MAGI2: variants seen among roughly 807,000 people sequenced by gnomAD.
MAGI2 encodes the protein membrane-associated guanylate kinase, WW and PDZ domain-containing protein 2.
A neutral mutation model predicts 133.3 loss-of-function variants in MAGI2; 35 were observed. The observed-to-expected ratio is 0.26, with a 90% confidence interval of 0.20 to 0.35. The LOEUF is 0.35. MAGI2 is among the 10% of genes least tolerant of loss of function. The probability of loss-of-function intolerance (pLI) is 1.00; values close to 1 mark genes in which losing one functional copy is unlikely to be tolerated. For synonymous variants in MAGI2, 729 were observed against 710.6 expected, an observed-to-expected ratio of 1.03 and a Z score of -0.41; for missense variants, 1,636 against 1,863.4, an observed-to-expected ratio of 0.88 and a Z score of 2.25.
intron 2 of MAGI2, among the ~76,000 whole-genome samples, chr7:78,861,937 G>A (rs995936083): frequency 6.6e-6 from 1 of 152,196 alleles, no homozygotes; most frequent in South Asian, 2.1e-4. Flanking sequence ...CAGAAGTGTG[G>A]AGCTGTTCTT....
chr7:79,213,880 C>T (rs1212278719), intron 1 of MAGI2, among the ~76,000 whole-genome samples: 1 of 151,988 alleles, frequency 6.6e-6, no homozygotes, highest in African/African-American at 2.4e-5. Flanking sequence ...AGTAGTATTT[C>T]TCCACAGTTT....
At chr7:79,317,013 C>CT (rs1563108930) in intron 1 of MAGI2, among the ~76,000 whole-genome samples, 5 of 122,642 alleles carry the variant, frequency 4.1e-5, no homozygotes, top group Non-Finnish European at 6.9e-5. Context: ...TTTTTTTTTT[C>CT]TTTTTCTTTT....
intron 1 of MAGI2, among the ~76,000 whole-genome samples, chr7:79,030,755 AG>A (rs1810487477): frequency 3.3e-5 from 5 of 152,210 alleles, no homozygotes; most frequent in Non-Finnish European, 5.9e-5. Flanking sequence ...AAATCAAAAC[AG>A]AAATCCCAGA....
intron 9 of MAGI2, among the ~76,000 whole-genome samples, chr7:78,263,266 A>G (rs571791680): frequency 8.5e-5 from 13 of 152,324 alleles, no homozygotes; most frequent in Non-Finnish European, 1.9e-4. Flanking sequence ...TGTGAAGAGC[A>G]CTGCAATGAA....
At chr7:79,218,819 AAAGTCT>A (rs1280330306) in intron 1 of MAGI2, among the ~76,000 whole-genome samples, 1 of 152,166 alleles carries the variant, frequency 6.6e-6, no homozygotes, top group Non-Finnish European at 1.5e-5. Flanking sequence ...ACACAAAATC[AAAGTCT>A]AAGTTCCTAT....
intron 1 of MAGI2, among the ~76,000 whole-genome samples, chr7:79,056,908 C>T (rs181685752): frequency 2.2e-3 from 342 of 152,268 alleles, no homozygotes; most frequent in Middle Eastern, 3.4e-3. Context: ...CCTCATATTT[C>T]CTGACCATTG....
chr7:78,645,641 GT>G, intron 2 of MAGI2, among the ~76,000 whole-genome samples: 1 of 9,066 alleles, frequency 1.1e-4, no homozygotes, highest in African/African-American at 1.5e-4. Flanking sequence ...TATAAGTGTG[GT>G]GTGTGTGTGT....
At chr7:78,354,708 A>C (rs778699481) in intron 7 of MAGI2, among the ~76,000 whole-genome samples, 14 of 152,214 alleles carry the variant, frequency 9.2e-5, no homozygotes, top group Non-Finnish European at 1.9e-4. Context: ...GAAATCAAAT[A>C]TATAGCAATT....
rs570559383 is a variant in MAGI2 at position 79,105,039 on chromosome 7, AAAC to A, written c.302-97836_302-97834del. On this transcript the variant is annotated intron_variant, in intron 1 of 21. Transcript: ENST00000354212. ...ATTCTATTCATTGTTGTTGAAAAAT[AAAC>A]AACATGTTTTGCTCTCCACTGATTT... Among the ~76,000 whole-genome samples, 121 of 152,344 alleles carry A rather than the reference AAAC, an allele frequency of 7.9e-4. No individual in the cohort carries two copies. In the East Asian group the frequency reaches 9.5e-3, roughly 12 times the overall value.
chr7:79,393,587 A>G (rs1203935848), intron 1 of MAGI2, among the ~76,000 whole-genome samples: 1 of 152,196 alleles, frequency 6.6e-6, no homozygotes, highest in Admixed American at 6.5e-5. Flanking sequence ...ATGAAACTTC[A>G]TTAACACTTA....
chr7:78,770,412 G>C (rs373073894), intron 2 of MAGI2, among the ~76,000 whole-genome samples: 2 of 152,276 alleles, frequency 1.3e-5, no homozygotes, highest in Non-Finnish European at 2.9e-5. Flanking sequence ...AGTCAATTAC[G>C]TGGGAAATAA....
chr7:78,965,185 A>G (rs1803200668), intron 2 of MAGI2, among the ~76,000 whole-genome samples: 2 of 151,546 alleles, frequency 1.3e-5, no homozygotes, highest in African/African-American at 4.8e-5. Context: ...ATTAATTAAT[A>G]TAAATCTAAT....
chr7:78,916,869 T>C (rs938903711), intron 2 of MAGI2, among the ~76,000 whole-genome samples: 1 of 152,086 alleles, frequency 6.6e-6, no homozygotes, highest in Admixed American at 6.6e-5. Flanking sequence ...TGAAGGCGAA[T>C]AGTTGGCTTT....
chr7:79,410,120 G>C (rs1347129007), intron 1 of MAGI2: 1 of 151,976 alleles, frequency 6.6e-6, no homozygotes, highest in African/African-American at 2.4e-5. Flanking sequence ...TCTATGTAAT[G>C]CTTACTCTGT....
chr7:78,594,001 G>C (rs986142481), intron 3 of MAGI2, among the ~76,000 whole-genome samples: 3 of 152,132 alleles, frequency 2.0e-5, no homozygotes, highest in East Asian at 3.8e-4. Context: ...TACAGTGAGG[G>C]GGTATTGAGA....
At chr7:79,049,944 C>T (rs919436498) in intron 1 of MAGI2, among the ~76,000 whole-genome samples, 4 of 152,086 alleles carry the variant, frequency 2.6e-5, no homozygotes, top group Non-Finnish European at 5.9e-5. Context: ...TGATAACACT[C>T]ATATATAGAA....
chr7:78,791,541 C>A (rs201401498), intron 2 of MAGI2, among the ~76,000 whole-genome samples: 1 of 133,012 alleles, frequency 7.5e-6, no homozygotes, highest in Non-Finnish European at 1.6e-5. Context: ...GAGAAACAAT[C>A]TTTTTTTTTT....
chr7:79,136,015 A>AAGAAAG (rs1562928888), intron 1 of MAGI2, among the ~76,000 whole-genome samples: 27 of 126,402 alleles, frequency 2.1e-4, no homozygotes, highest in African/African-American at 9.9e-4. Context: ...GAAAGAAAGA[A>AAGAAAG]AGAAAGAAAG....
chr7:79,334,406 C>T (rs376971888), intron 1 of MAGI2, among the ~76,000 whole-genome samples: 10 of 152,004 alleles, frequency 6.6e-5, no homozygotes, highest in African/African-American at 1.7e-4. Flanking sequence ...AGGACTTTTC[C>T]ATAATCTTCT....
Sources: gnomAD v4.1 joint callset for allele counts (sites outside exome capture counted in the v4.1 genomes callset) on GRCh38, gnomAD v4.1.1 for gene constraint, MANE v1.5 for transcripts, NCBI Gene and HGNC (gene_info 2026-07-23, HGNC 2026-07-21) for gene names.